Variants in GUCY1A2 observed in about 807,000 individuals in gnomAD.
GUCY1A2 encodes the protein guanylate cyclase 1 soluble subunit alpha 2.
A neutral mutation model predicts 63.5 loss-of-function variants in GUCY1A2; 27 were observed. The observed-to-expected ratio is 0.43, with a 90% confidence interval of 0.31 to 0.59. GUCY1A2 has a LOEUF of 0.59. Among genes scored for constraint, GUCY1A2 ranks in the 20% least tolerant of loss-of-function variants. GUCY1A2 has a pLI of 0.11. For missense variants in GUCY1A2, 768 were observed against 913.3 expected, an observed-to-expected ratio of 0.84 and a Z score of 2.05; for synonymous variants, 364 against 343.5, an observed-to-expected ratio of 1.06 and a Z score of -0.66.
chr11:106,799,949 C>T (rs903152043), intron 5 of GUCY1A2, among the ~76,000 whole-genome samples: 1 of 152,154 alleles, frequency 6.6e-6, no homozygotes, highest in Non-Finnish European at 1.5e-5. Flanking sequence ...TCAGAGTGAA[C>T]AGGCAACCTA....
intron 2 of GUCY1A2, among the ~76,000 whole-genome samples, chr11:106,979,274 T>C (rs1368900749): frequency 6.6e-6 from 1 of 151,816 alleles, no homozygotes; most frequent in East Asian, 1.9e-4. Context: ...GCTAACACGG[T>C]GAAACCCCGT....
At chr11:106,760,516 T>C (rs1434383520) in intron 6 of GUCY1A2, among the ~76,000 whole-genome samples, 1 of 152,224 alleles carries the variant, frequency 6.6e-6, no homozygotes, top group Non-Finnish European at 1.5e-5. Flanking sequence ...AATACATGAA[T>C]AGTATTTACA....
intron 6 of GUCY1A2, among the ~76,000 whole-genome samples, chr11:106,736,752 C>T (rs1938622): frequency 0.51 from 77,506 of 151,922 alleles, 21,065 homozygotes; most frequent in East Asian, 0.73. Flanking sequence ...TTGATCCTTC[C>T]GATCCATTAA....
chr11:106,916,305 A>G (rs1278033428), intron 4 of GUCY1A2, among the ~76,000 whole-genome samples: 2 of 145,534 alleles, frequency 1.4e-5, no homozygotes, highest in South Asian at 2.4e-4. Flanking sequence ...CAAAATTTTC[A>G]TGGGTTGCAG....
At chr11:106,956,450 G>T (rs552879534) in intron 3 of GUCY1A2, among the ~76,000 whole-genome samples, 1 of 152,112 alleles carries the variant, frequency 6.6e-6, no homozygotes, top group East Asian at 1.9e-4. Context: ...CTTGGATAGG[G>T]TTTTTTGTGG....
At chr11:106,813,303 T>A (rs1245773458) in intron 4 of GUCY1A2, among the ~76,000 whole-genome samples, 1 of 152,002 alleles carries the variant, frequency 6.6e-6, no homozygotes, top group African/African-American at 2.4e-5. Context: ...GGGTTAAATA[T>A]CATACTATCA....
chr11:106,790,631 G>A (rs765988943), intron 5 of GUCY1A2, among the ~76,000 whole-genome samples: 1 of 151,660 alleles, frequency 6.6e-6, no homozygotes, highest in Non-Finnish European at 1.5e-5. Flanking sequence ...TTAGAGTCTT[G>A]CTTAAGGCCC....
chr11:106,976,458 G>A (rs182811828), intron 3 of GUCY1A2, among the ~76,000 whole-genome samples: 50 of 152,184 alleles, frequency 3.3e-4, no homozygotes, highest in African/African-American at 1.1e-3. Flanking sequence ...AACAAGCCAA[G>A]ATTAATCATA....
intron 4 of GUCY1A2, among the ~76,000 whole-genome samples, chr11:106,881,881 T>C (rs1273328966): frequency 6.6e-6 from 1 of 152,058 alleles, no homozygotes; most frequent in Non-Finnish European, 1.5e-5. Context: ...ATTATAGAAT[T>C]CATACATAAA....
At position 106,679,900 on chromosome 11, in the gene GUCY1A2, CT is replaced by C. The variant is rs1376502804; in HGVS notation, c.*7648del. The C allele has an allele frequency of 4.6e-6, 1 of 218,190 alleles. No individual in the cohort carries two copies. The highest frequency in any genetic ancestry group is 2.3e-5 in the African/African-American group (1 of 44,414). The allele number at this position is 218,190 out of a possible 1,614,324, so 13.5% of individuals were successfully genotyped here. Reference sequence around the variant, plus strand: ...ATCCCAGCTTCACTGAGATGTGCAGCTGCCGAGAGGTTGGCACTACCTCCTA... The same window carrying C: ...ATCCCAGCTTCACTGAGATGTGCAGCGCCGAGAGGTTGGCACTACCTCCTA... On this transcript the variant is annotated 3_prime_UTR_variant, in exon 8 of 8. Coordinates refer to ENST00000526355, the MANE Select transcript of GUCY1A2 (RefSeq NM_000855.3).
At chr11:106,902,194 A>G (rs534351898) in intron 4 of GUCY1A2, among the ~76,000 whole-genome samples, 1 of 152,316 alleles carries the variant, frequency 6.6e-6, no homozygotes, top group East Asian at 1.9e-4. Flanking sequence ...TTTGTCAAAG[A>G]GCACTATTAT....
At chr11:106,810,548 CT>C in intron 4 of GUCY1A2, 70 bp from the exon 5 acceptor site, 21 of 1,281,872 alleles carry the variant, frequency 1.6e-5, no homozygotes, top group Non-Finnish European at 2.3e-5. Flanking sequence ...AATATATTAT[CT>C]GATGAATAGA....
At chr11:106,897,845 A>G (rs146029845) in intron 4 of GUCY1A2, among the ~76,000 whole-genome samples, 1 of 152,132 alleles carries the variant, frequency 6.6e-6, no homozygotes, top group African/African-American at 2.4e-5. Context: ...ATTTAAAAAA[A>G]TTGATGAACT....
rs761348721 is a variant in GUCY1A2 at position 106,939,430 on chromosome 11, C to T, written c.1206+30G>A. ...AAATAATTATCCACTCTTCTAGTTC[C>T]CATCACCATCTCAAGTCCATAGCAC... On this transcript the variant is annotated intron_variant, in intron 4 of 7. Transcript: ENST00000526355. 8 of 1,072,946 alleles carry T rather than the reference C, an allele frequency of 7.5e-6. No individual in the cohort carries two copies. In the African/African-American group the frequency reaches 1.3e-4, roughly 17 times the overall value. The allele number at this position is 1,072,946 out of a possible 1,614,324, so 66.5% of individuals were successfully genotyped here.
chr11:107,002,943 C>G (rs1393671850), intron 1 of GUCY1A2, among the ~76,000 whole-genome samples: 1 of 152,088 alleles, frequency 6.6e-6, no homozygotes, highest in South Asian at 2.1e-4. Context: ...CCTACATTCC[C>G]CTTGAGTATA....
intron 6 of GUCY1A2, among the ~76,000 whole-genome samples, chr11:106,751,323 C>A (rs1277260800): frequency 6.6e-6 from 1 of 152,050 alleles, no homozygotes; most frequent in African/African-American, 2.4e-5. Context: ...TAGAGTCTTG[C>A]CAGCTAAGGC....
chr11:106,880,744 A>G (rs1297685884), intron 4 of GUCY1A2, among the ~76,000 whole-genome samples: 1 of 152,124 alleles, frequency 6.6e-6, no homozygotes, highest in East Asian at 1.9e-4. Flanking sequence ...CCTTTACCAT[A>G]TTAAAGTGCA....
intron 4 of GUCY1A2, among the ~76,000 whole-genome samples, chr11:106,829,092 C>T (rs779630275): frequency 1.5e-4 from 23 of 152,154 alleles, no homozygotes; most frequent in Non-Finnish European, 2.6e-4. Flanking sequence ...GTCTGCTCGA[C>T]GAACAAAGTC....
chr11:106,823,530 A>C (rs1351551471), intron 4 of GUCY1A2, among the ~76,000 whole-genome samples: 1 of 152,122 alleles, frequency 6.6e-6, no homozygotes. Context: ...TGACTTTCCT[A>C]TTGTGAGGTA....
Sources: allele counts gnomAD v4.1 joint callset (sites outside exome capture counted in the v4.1 genomes callset), GRCh38; gene constraint gnomAD v4.1.1; transcripts MANE v1.5; gene names NCBI Gene and HGNC (gene_info 2026-07-23, HGNC 2026-07-21).